The following BNC2 variants were observed in gnomAD, a reference collection of about 807,000 sequenced individuals.
BNC2 encodes zinc finger protein basonuclin-2.
Under a neutral mutation model 76.3 loss-of-function variants are expected in BNC2, and 20 were observed. The observed-to-expected ratio is 0.26, with a 90% CI of 0.18 to 0.38. The LOEUF is 0.38. BNC2 is among the 10% of genes least tolerant of loss of function. BNC2 has a pLI of 1.00. For missense variants in BNC2, 1,382 were observed against 1,399.8 expected (o/e 0.99, Z 0.20); for synonymous variants, 582 against 514.8 (o/e 1.13, Z -1.77).
intron 1 of BNC2, among the ~76,000 whole-genome samples, chr9:16,803,552 G>A (rs552645184): frequency 6.6e-6 from 1 of 152,316 alleles, no homozygotes; most frequent in Non-Finnish European, 1.5e-5. Flanking sequence ...AATTTGCAAT[G>A]AAGGGAAGGA....
intron 3 of BNC2, among the ~76,000 whole-genome samples, chr9:16,700,227 G>C (rs1823468427): frequency 6.6e-6 from 1 of 152,178 alleles, no homozygotes; most frequent in African/African-American, 2.4e-5. Context: ...TGCTATGGAT[G>C]AAACAAAATT....
intron 3 of BNC2, among the ~76,000 whole-genome samples, chr9:16,612,334 C>T (rs1164280242): frequency 6.6e-6 from 1 of 152,146 alleles, no homozygotes; most frequent in Non-Finnish European, 1.5e-5. Context: ...CCTCATGATA[C>T]AATACTGTAC....
chr9:16,538,144 A>T (rs1480554246), intron 5 of BNC2, among the ~76,000 whole-genome samples: 3 of 152,222 alleles, frequency 2.0e-5, no homozygotes, highest in African/African-American at 7.2e-5. Context: ...CAGAGGAAAG[A>T]GAAGACAAAG....
Position 16,436,379 on chromosome 9 carries a change from G to C in BNC2, c.1815C>G (p.Pro605=). ...GCACTACTGGCTCAGAGGGTGGCGG[G>C]GGGTGCTGCTCTATGGTACCACTGG... ...IPTSGTIEQH[P]PPPSEPVVPA... is the part of the protein sequence containing the mutation. The change falls in exon 6 of 7, where the codon CCC becomes CCG. Residue 605 remains proline, a synonymous_variant. Coordinates refer to ENST00000380672, the MANE Select transcript of BNC2 (RefSeq NM_017637.6). The C allele has an allele frequency of 1.2e-6, 2 of 1,614,180 alleles. No homozygotes were observed. The highest frequency in any genetic ancestry group is 1.3e-5 in the African/African-American group (1 of 75,050).
At chr9:16,796,848 T>C (rs1817668004) in intron 1 of BNC2, among the ~76,000 whole-genome samples, 1 of 152,180 alleles carries the variant, frequency 6.6e-6, no homozygotes, top group Non-Finnish European at 1.5e-5. Context: ...TTTATTTATC[T>C]TCAACTAATG....
At chr9:16,565,594 G>A (rs886568437) in intron 4 of BNC2, among the ~76,000 whole-genome samples, 2 of 152,080 alleles carry the variant, frequency 1.3e-5, no homozygotes, top group Non-Finnish European at 2.9e-5. Flanking sequence ...TGGGTCACTT[G>A]AGCTCGAGTT....
At chr9:16,553,118 G>A (rs913516240) in intron 4 of BNC2, among the ~76,000 whole-genome samples, 2 of 152,058 alleles carry the variant, frequency 1.3e-5, no homozygotes, top group Admixed American at 6.6e-5. Context: ...GTTTCAACCC[G>A]AGTGACGATG....
At chr9:16,749,499 A>G (rs1434707683) in intron 1 of BNC2, among the ~76,000 whole-genome samples, 1 of 152,114 alleles carries the variant, frequency 6.6e-6, no homozygotes, top group African/African-American at 2.4e-5. Flanking sequence ...CGGTTGTTTG[A>G]GATCAGCCTG....
chr9:16,493,296 C>T (rs1408465591), intron 5 of BNC2, among the ~76,000 whole-genome samples: 1 of 152,210 alleles, frequency 6.6e-6, no homozygotes, highest in African/African-American at 2.4e-5. Context: ...TCTACCTTAT[C>T]TGACCACATC....
chr9:16,600,731 C>T (rs1340372434), intron 3 of BNC2, among the ~76,000 whole-genome samples: 1 of 151,984 alleles, frequency 6.6e-6, no homozygotes, highest in Non-Finnish European at 1.5e-5. Flanking sequence ...TGCGGGGGTG[C>T]GGCGGGTGGC....
At chr9:16,646,078 A>G (rs1821614612) in intron 3 of BNC2, among the ~76,000 whole-genome samples, 1 of 152,242 alleles carries the variant, frequency 6.6e-6, no homozygotes, top group African/African-American at 2.4e-5. Flanking sequence ...CCTTCCAGTT[A>G]GCAAAACAGT....
intron 5 of BNC2, among the ~76,000 whole-genome samples, chr9:16,497,700 G>A (rs895726902): frequency 3.9e-5 from 6 of 152,026 alleles, no homozygotes; most frequent in African/African-American, 1.4e-4. Context: ...AGATTGGGTG[G>A]CATTTAAGTT....
intron 2 of BNC2, among the ~76,000 whole-genome samples, chr9:16,736,005 G>A (rs10962556): frequency 0.091 from 13,793 of 151,422 alleles, 810 homozygotes; most frequent in Admixed American, 0.19. Flanking sequence ...AGGCCAAGGC[G>A]GGTGGATCAC....
intron 1 of BNC2, among the ~76,000 whole-genome samples, chr9:16,852,187 T>C (rs1240620983): frequency 6.6e-6 from 1 of 152,186 alleles, no homozygotes; most frequent in Non-Finnish European, 1.5e-5. Context: ...CTCAGTTTTT[T>C]TGACAGCACA....
intron 1 of BNC2, among the ~76,000 whole-genome samples, chr9:16,769,709 T>C (rs1464261929): frequency 6.6e-6 from 1 of 152,186 alleles, no homozygotes; most frequent in Non-Finnish European, 1.5e-5. Flanking sequence ...GCCAGCTTAA[T>C]GTAAAGAGCA....
Position 16,534,098 on chromosome 9 carries a change from G to A in BNC2, c.669+18432C>T, listed in dbSNP as rs1202049071. On this transcript the variant is annotated intron_variant, in intron 5 of 6. Coordinates refer to ENST00000380672, the MANE Select transcript of BNC2 (RefSeq NM_017637.6). ...GTCCTATCCTGAATGAATTACTACT[G>A]TTATGATTTAAAGAGAAATATTACT... 2.0e-5 allele frequency among the ~76,000 whole-genome samples: 3 copies of A among 152,126 alleles called. No individual in the cohort carries two copies. In the South Asian group the frequency reaches 6.2e-4, roughly 31 times the overall value.
At chr9:16,741,739 C>G (rs895203522) in intron 1 of BNC2, among the ~76,000 whole-genome samples, 1 of 152,036 alleles carries the variant, frequency 6.6e-6, no homozygotes, top group Non-Finnish European at 1.5e-5. Flanking sequence ...AGGTGGATCA[C>G]CTGAGGTCAG....
chr9:16,715,253 A>G (rs1756691468), intron 3 of BNC2, among the ~76,000 whole-genome samples: 1 of 152,136 alleles, frequency 6.6e-6, no homozygotes, highest in Non-Finnish European at 1.5e-5. Context: ...TTATTTGACT[A>G]TTTTTTTGTT....
intron 5 of BNC2, among the ~76,000 whole-genome samples, chr9:16,452,823 C>A (rs1563790352): frequency 4.6e-5 from 7 of 152,272 alleles, no homozygotes; most frequent in Middle Eastern, 3.4e-3. Context: ...TCTTCCCCTC[C>A]TTCCTGCAAT....
Sources: gnomAD v4.1 joint callset for allele counts (sites outside exome capture counted in the v4.1 genomes callset) on GRCh38, gnomAD v4.1.1 for gene constraint, MANE v1.5 for transcripts, NCBI Gene and HGNC (gene_info 2026-07-23, HGNC 2026-07-21) for gene names.